ALPK2: variants seen among roughly 807,000 people sequenced by gnomAD.
The protein encoded by ALPK2 is alpha kinase 2, also known as alpha-protein kinase 2.
In ALPK2, 127 loss-of-function variants were observed where a neutral mutation model predicts 163.1. The ratio of observed to expected loss-of-function variants is 0.78; its 90% confidence interval spans 0.67 to 0.90. The LOEUF (loss-of-function observed/expected upper bound fraction) is 0.90, where lower values mean the gene tolerates loss of function less well. ALPK2 is among the 40% of genes least tolerant of loss of function. ALPK2 has a pLI of 0.00. For synonymous variants in ALPK2, 953 were observed against 959.1 expected, an observed-to-expected ratio of 0.99 and a Z score of 0.12; for missense variants, 2,360 against 2,589.6, an observed-to-expected ratio of 0.91 and a Z score of 1.92.
At chr18:58,573,613 C>CTTTTTGTTTTTTTT (rs2051902484) in intron 4 of ALPK2, among the ~76,000 whole-genome samples, 1 of 51,730 alleles carries the variant, frequency 1.9e-5, no homozygotes, top group African/African-American at 7.8e-5. Context: ...TTTTTGTCTT[C>CTTTTTGTTTTTTTT]TTTTTTTTTT....
chr18:58,502,158 ACACACACACACACACACACAC>A (rs2051435076), intron 11 of ALPK2, among the ~76,000 whole-genome samples: 1 of 144,624 alleles, frequency 6.9e-6, no homozygotes, highest in Admixed American at 7.1e-5. Flanking sequence ...ACACACACAC[ACACACACACACACACACACAC>A]AAAGAAAAAA....
At chr18:58,573,072 G>A (rs926741057) in intron 4 of ALPK2, among the ~76,000 whole-genome samples, 6 of 151,946 alleles carry the variant, frequency 3.9e-5, no homozygotes, top group African/African-American at 1.4e-4. Context: ...AAAACCGTTT[G>A]TAAATGGTAT....
intron 6 of ALPK2, among the ~76,000 whole-genome samples, chr18:58,524,924 G>T (rs572976306): frequency 3.0e-5 from 4 of 131,758 alleles, no homozygotes; most frequent in Non-Finnish European, 1.6e-5. Flanking sequence ...TTATTCCAAA[G>T]TCTCAAACAA....
In ALPK2 at chr18:58,537,289, A is replaced by G. The variant is rs2051656464; in HGVS notation, c.2898T>C (p.Pro966=). 2.5e-6 allele frequency: 4 copies of G among 1,614,188 alleles called. No homozygotes were observed. The highest frequency in any genetic ancestry group is 3.4e-6 in the Non-Finnish European group (4 of 1,180,006). ...GTGTGGCTGTGGTGTCTGCGGCACT[A>G]GGACTGGGGCTCTTGTCACCTCCTT... ...FKEGGDKSPS[P]SAADTTATPA... is the part of the protein sequence containing the mutation. The change falls in exon 5 of 13, where the codon CCT becomes CCC. Residue 966 remains proline (P), a synonymous_variant. Coordinates refer to ENST00000361673, the MANE Select transcript of ALPK2 (RefSeq NM_052947.4).
chr18:58,625,644 G>A lies in ALPK2; in HGVS notation c.-21+3120C>T, dbSNP rs190577386. 4.6e-5 allele frequency among the ~76,000 whole-genome samples: 7 copies of A among 152,306 alleles called. 1 individual carries two copies. The highest frequency in any genetic ancestry group is 1.7e-4 in the African/African-American group (7 of 41,576). ...GACTCAGGAAGGTCTTAAACTAGGG[G>A]TTGAGGAGCAAATGAGCGTGTTTAA... On this transcript the variant is annotated intron_variant, in intron 1 of 12. Coordinates refer to ENST00000361673, the MANE Select transcript of ALPK2 (RefSeq NM_052947.4).
chr18:58,578,740 A>ACGCGCGCGCGCGCGCGCGTGCACG lies in ALPK2; in HGVS notation c.1962+73_1962+74insCGTGCACGCGCGCGCGCGCGCGCG, dbSNP rs1555673996. ...ATGTGAAGTAAAGGAAGAGACACACACACACACACACACACACACACACAC... is the reference window on the plus strand; with the variant it reads ...ATGTGAAGTAAAGGAAGAGACACACACGCGCGCGCGCGCGCGCGTGCACGCACACACACACACACACACACACAC... On this transcript the variant is annotated intron_variant, in intron 4 of 12. Transcript: ENST00000361673. 9.4e-4 allele frequency: 1,047 copies of ACGCGCGCGCGCGCGCGCGTGCACG among 1,118,798 alleles called. 5 individuals carry two copies. The African/African-American group carries it at 0.014, about 15-fold the overall frequency. The allele number at this position is 1,118,798 out of a possible 1,614,324, so 69.3% of individuals were successfully genotyped here. A position where few individuals can be genotyped will look rare whatever the true frequency, so the allele number is the denominator to read the frequency against.
In ALPK2 at chr18:58,487,767, A is replaced by G. The variant is rs2051347361; in HGVS notation, c.6297-5728T>C. On this transcript the variant is annotated intron_variant, in intron 12 of 12. Transcript: ENST00000361673. The stretch of plus-strand genomic sequence containing the variant: ...CCAGGCGCACTGGCTCACGCCTGTA[A>G]TCCCAGCACTTTGGGAGGCTGAAAC... Among the ~76,000 whole-genome samples the G allele has an allele frequency of 2.0e-5, 3 of 152,282 alleles. No individual in the cohort carries two copies. In the South Asian group the frequency reaches 6.2e-4, roughly 32 times the overall value.
chr18:58,548,066 G>A (rs1234499474), intron 4 of ALPK2, among the ~76,000 whole-genome samples: 1 of 152,184 alleles, frequency 6.6e-6, no homozygotes, highest in Non-Finnish European at 1.5e-5. Flanking sequence ...TTTAGAAGCA[G>A]GAAATACTTG....
At chr18:58,627,540 G>A (rs751349434) in intron 1 of ALPK2, among the ~76,000 whole-genome samples, 3 of 152,140 alleles carry the variant, frequency 2.0e-5, no homozygotes, top group Non-Finnish European at 4.4e-5. Context: ...CAGGAGAATC[G>A]CTTGAACCCA....
chr18:58,572,911 A>G (rs1355172297), intron 4 of ALPK2, among the ~76,000 whole-genome samples: 2 of 152,198 alleles, frequency 1.3e-5, no homozygotes, highest in African/African-American at 4.8e-5. Context: ...ATCAATGTCA[A>G]TATCCTGGTT....
chr18:58,550,524 C>T, intron 4 of ALPK2, among the ~76,000 whole-genome samples: 1 of 152,064 alleles, frequency 6.6e-6, no homozygotes, highest in East Asian at 1.9e-4. Flanking sequence ...ATCCCCATCT[C>T]CATCACCTAC....
intron 8 of ALPK2, among the ~76,000 whole-genome samples, chr18:58,523,103 C>T (rs12968326): frequency 1.5e-5 from 2 of 133,390 alleles, no homozygotes; most frequent in East Asian, 4.7e-4. Context: ...GTGATGTTCC[C>T]CTTCCTGTGT....
chr18:58,566,207 G>A (rs2051852320), intron 4 of ALPK2, among the ~76,000 whole-genome samples: 1 of 152,078 alleles, frequency 6.6e-6, no homozygotes, highest in African/African-American at 2.4e-5. Context: ...TTTATTGGGG[G>A]TCCATTGTAA....
chr18:58,524,951 CAAAAA>C (rs377122433), intron 6 of ALPK2, among the ~76,000 whole-genome samples: 5 of 106,096 alleles, frequency 4.7e-5, no homozygotes, highest in African/African-American at 3.5e-5. Context: ...TACTCTACAG[CAAAAA>C]AAAAAAAAAA....
At chr18:58,626,885 A>G (rs1276127282) in intron 1 of ALPK2, among the ~76,000 whole-genome samples, 1 of 67,002 alleles carries the variant, frequency 1.5e-5, no homozygotes, top group Non-Finnish European at 3.6e-5. Flanking sequence ...AGTTTTAGCA[A>G]AAAAAAAAAA....
At chr18:58,542,089 G>T (rs188595037) in intron 4 of ALPK2, among the ~76,000 whole-genome samples, 20 of 152,348 alleles carry the variant, frequency 1.3e-4, no homozygotes, top group Admixed American at 1.2e-3. Context: ...AAAAAGGAGT[G>T]TTTGGGGCTC....
intron 10 of ALPK2, among the ~76,000 whole-genome samples, chr18:58,508,240 A>T (rs1393848495): frequency 6.6e-6 from 1 of 152,092 alleles, no homozygotes. Flanking sequence ...AACAAAAAAA[A>T]CCCAGGCCTC....
At chr18:58,522,522 T>C (rs1002336971) in intron 8 of ALPK2, among the ~76,000 whole-genome samples, 3 of 152,200 alleles carry the variant, frequency 2.0e-5, no homozygotes, top group African/African-American at 7.2e-5. Flanking sequence ...GCAGCAGTGT[T>C]AGGCTGTGGC....
rs200259208 is a variant in ALPK2 at position 58,529,287 on chromosome 18, T to C, written c.5354-49A>G. The C allele has an allele frequency of 2.9e-4, 443 of 1,523,744 alleles. No homozygotes were observed. The African/African-American group carries it at 4.3e-3, about 15-fold the overall frequency. The allele number at this position is 1,523,744 out of a possible 1,614,324, so 94.4% of individuals were successfully genotyped here. A position where few individuals can be genotyped will look rare whatever the true frequency, so the allele number is the denominator to read the frequency against. On this transcript the variant is annotated intron_variant, in intron 5 of 12. Coordinates refer to ENST00000361673, the MANE Select transcript of ALPK2 (RefSeq NM_052947.4). ...CAGTGTAACAAAAGACTTTCCCATT[T>C]CATACCATTTAATTCTCATAACAAT...
Sources: gnomAD v4.1 joint callset for allele counts (sites outside exome capture counted in the v4.1 genomes callset) on GRCh38, gnomAD v4.1.1 for gene constraint, MANE v1.5 for transcripts, NCBI Gene and HGNC (gene_info 2026-07-23, HGNC 2026-07-21) for gene names.